The following SORCS3 variants were observed in gnomAD, a reference collection of about 807,000 sequenced individuals.
The protein encoded by SORCS3 is sortilin related VPS10 domain containing receptor 3.
Under a neutral mutation model 146.3 loss-of-function variants are expected in SORCS3, and 57 were observed. The observed-to-expected ratio is 0.39, with a 90% CI of 0.31 to 0.49. The LOEUF (loss-of-function observed/expected upper bound fraction) is 0.49. SORCS3 is among the 20% of genes least tolerant of loss of function. The pLI, the probability that SORCS3 is intolerant of heterozygous loss-of-function variation, is 0.92. For missense variants in SORCS3, 1,341 were observed against 1,575.5 expected (o/e 0.85, Z 2.52); for synonymous variants, 653 against 618.5 (o/e 1.06, Z -0.83).
chr10:105,232,642 C>G (rs1343062562), intron 20 of SORCS3, among the ~76,000 whole-genome samples: 1 of 149,720 alleles, frequency 6.7e-6, no homozygotes, highest in Non-Finnish European at 1.5e-5. Context: ...CTAGATACTT[C>G]TTTTTAATAT....
chr10:105,131,846 G>A (rs1010308903), intron 7 of SORCS3, among the ~76,000 whole-genome samples: 4 of 152,034 alleles, frequency 2.6e-5, no homozygotes, highest in Admixed American at 6.6e-5. Context: ...ACTATCGCAC[G>A]GACAGTACCA....
intron 1 of SORCS3, among the ~76,000 whole-genome samples, chr10:104,735,456 G>GTTTTTGTTTTTTTTTTTTTTT (rs2016757562): frequency 2.9e-5 from 1 of 34,994 alleles, no homozygotes; most frequent in Non-Finnish European, 4.8e-5. Flanking sequence ...CTCACCGTCT[G>GTTTTTGTTTTTTTTTTTTTTT]TTTTTTTTTT....
chr10:104,909,981 G>C (rs1258473690), intron 2 of SORCS3, among the ~76,000 whole-genome samples: 1 of 152,136 alleles, frequency 6.6e-6, no homozygotes, highest in Non-Finnish European at 1.5e-5. Context: ...AGGTCAGACT[G>C]GGGGTTCCTC....
At chr10:104,660,961 G>T (rs1241596529) in intron 1 of SORCS3, among the ~76,000 whole-genome samples, 1 of 152,132 alleles carries the variant, frequency 6.6e-6, no homozygotes, top group Non-Finnish European at 1.5e-5. Flanking sequence ...AGGGGCAATT[G>T]GGGAGAGCTT....
chr10:105,204,961 G>C (rs189241786), intron 16 of SORCS3, among the ~76,000 whole-genome samples: 1 of 152,262 alleles, frequency 6.6e-6, no homozygotes, highest in East Asian at 1.9e-4. Flanking sequence ...AGCATATGGC[G>C]TATAGCCTTG....
At chr10:105,022,708 T>C (rs2055205259) in intron 4 of SORCS3, among the ~76,000 whole-genome samples, 1 of 152,114 alleles carries the variant, frequency 6.6e-6, no homozygotes, top group East Asian at 1.9e-4. Flanking sequence ...ACTGGGAGTG[T>C]GGGGAAAGGA....
chr10:104,998,683 A>G (rs2055041074), intron 4 of SORCS3, among the ~76,000 whole-genome samples: 1 of 152,064 alleles, frequency 6.6e-6, no homozygotes, highest in Non-Finnish European at 1.5e-5. Context: ...AGTTTTTCAG[A>G]TTCAGAACTA....
chr10:105,027,899 G>T (rs1299497666), intron 4 of SORCS3, among the ~76,000 whole-genome samples: 1 of 152,144 alleles, frequency 6.6e-6, no homozygotes, highest in Non-Finnish European at 1.5e-5. Context: ...TGAGTTCAAT[G>T]TTAATGAATC....
intron 2 of SORCS3, among the ~76,000 whole-genome samples, chr10:104,856,645 T>C (rs973707725): frequency 6.8e-6 from 1 of 146,334 alleles, no homozygotes; most frequent in Non-Finnish European, 1.5e-5. Flanking sequence ...ATTAGAGGCA[T>C]ATATATAAAT....
chr10:104,844,607 C>T (rs575594731), intron 2 of SORCS3, among the ~76,000 whole-genome samples: 2 of 152,266 alleles, frequency 1.3e-5, no homozygotes, highest in East Asian at 3.9e-4. Flanking sequence ...GGATTGAAGT[C>T]CCAGTTTGTC....
chr10:105,153,212 A>T (rs891455872), intron 9 of SORCS3, among the ~76,000 whole-genome samples: 6 of 152,130 alleles, frequency 3.9e-5, no homozygotes, highest in African/African-American at 1.4e-4. Context: ...GGAATTATAC[A>T]GTAGGTAACC....
chr10:105,014,140 C>A (rs1033516397), intron 4 of SORCS3, among the ~76,000 whole-genome samples: 1 of 147,160 alleles, frequency 6.8e-6, no homozygotes, highest in African/African-American at 2.5e-5. Flanking sequence ...TATATAACAA[C>A]GTAATATAAA....
chr10:105,254,346 G>C (rs1179727676), intron 23 of SORCS3, among the ~76,000 whole-genome samples: 1 of 152,142 alleles, frequency 6.6e-6, no homozygotes, highest in African/African-American at 2.4e-5. Context: ...TTTTTAGAGG[G>C]TTATAAAGGC....
At chr10:104,651,974 G>C (rs1170557244) in intron 1 of SORCS3, among the ~76,000 whole-genome samples, 1 of 152,072 alleles carries the variant, frequency 6.6e-6, no homozygotes, top group Non-Finnish European at 1.5e-5. Context: ...TTGACTACTG[G>C]GGTTGGCTAA....
intron 3 of SORCS3, among the ~76,000 whole-genome samples, chr10:104,957,985 A>G (rs1343347617): frequency 6.6e-6 from 1 of 152,184 alleles, no homozygotes; most frequent in Non-Finnish European, 1.5e-5. Context: ...GGATGATCCC[A>G]TAAAAGTAGG....
At chr10:105,162,457 G>T (rs1330023343) in intron 11 of SORCS3, among the ~76,000 whole-genome samples, 1 of 152,054 alleles carries the variant, frequency 6.6e-6, no homozygotes, top group Non-Finnish European at 1.5e-5. Context: ...CTCCTTCTCT[G>T]ACACCATAAC....
chr10:105,162,011 C>T (rs370228578), intron 11 of SORCS3, among the ~76,000 whole-genome samples: 2 of 152,090 alleles, frequency 1.3e-5, no homozygotes, highest in East Asian at 3.9e-4. Flanking sequence ...GCCCCTGCCC[C>T]TGCAGGGGCA....
intron 5 of SORCS3, among the ~76,000 whole-genome samples, chr10:105,066,530 T>C (rs1385344227): frequency 2.0e-5 from 3 of 152,100 alleles, no homozygotes; most frequent in African/African-American, 7.2e-5. Flanking sequence ...TGCCTCACAT[T>C]TGGATTGTTA....
At chr10:105,043,527 A>G (rs780269171) in intron 5 of SORCS3, among the ~76,000 whole-genome samples, 34 of 152,302 alleles carry the variant, frequency 2.2e-4, no homozygotes, top group Non-Finnish European at 4.6e-4. Flanking sequence ...CCCAAAATGT[A>G]CTCTGGAGAA....
Sources: allele counts gnomAD v4.1 joint callset (sites outside exome capture counted in the v4.1 genomes callset), GRCh38; gene constraint gnomAD v4.1.1; transcripts MANE v1.5; gene names NCBI Gene and HGNC (gene_info 2026-07-23, HGNC 2026-07-21).